Variants in CCNK observed in about 807,000 individuals in gnomAD.
The protein encoded by CCNK is cyclin K.
A neutral mutation model predicts 65.0 loss-of-function variants in CCNK; 9 were observed. The observed-to-expected ratio is 0.14, with a 90% CI of 0.08 to 0.24. The LOEUF (loss-of-function observed/expected upper bound fraction) is 0.24, where lower values mean the gene tolerates loss of function less well. Ranked by LOEUF, CCNK falls within the 10% of genes least tolerant of loss-of-function variation. The pLI, the probability that CCNK is intolerant of heterozygous loss-of-function variation, is 1.00. For missense variants in CCNK, 474 were observed against 720.0 expected, an observed-to-expected ratio of 0.66 and a Z score of 3.91; for synonymous variants, 279 against 270.8, an observed-to-expected ratio of 1.03 and a Z score of -0.30.
At chr14:99,503,968 G>C in intron 9 of CCNK, 1 of 362,554 alleles carries the variant, frequency 2.8e-6, no homozygotes, top group Non-Finnish European at 5.2e-6. Flanking sequence ...CATCACAGCA[G>C]CAGGAGTCCT....
intron 9 of CCNK, chr14:99,504,093 C>T (rs1399417817): frequency 2.6e-6 from 1 of 388,750 alleles, no homozygotes; most frequent in Admixed American, 3.2e-5. Flanking sequence ...CTCTTTGAAA[C>T]ACACTTGGGT....
intron 1 of CCNK, among the ~76,000 whole-genome samples, chr14:99,486,573 C>A (rs1052460859): frequency 6.6e-6 from 1 of 152,234 alleles, no homozygotes; most frequent in African/African-American, 2.4e-5. Context: ...TAAAGTTCTT[C>A]AAGCTTAGTA....
intron 1 of CCNK, among the ~76,000 whole-genome samples, chr14:99,486,784 A>T (rs1896495889): frequency 6.6e-6 from 1 of 152,176 alleles, no homozygotes; most frequent in African/African-American, 2.4e-5. Context: ...ATTAGGCATT[A>T]CTTGAACTGC....
chr14:99,496,459 C>A (rs551867156), intron 4 of CCNK, among the ~76,000 whole-genome samples: 1 of 152,140 alleles, frequency 6.6e-6, no homozygotes, highest in Non-Finnish European at 1.5e-5. Context: ...GCCTGTAATC[C>A]CAGCACTTTG....
rs750522567 is a variant in CCNK at position 99,493,580 on chromosome 14, G to A, written c.264G>A (p.Lys88=). The change falls in exon 3 of 11, where the codon AAG becomes AAA. Residue 88 remains lysine, a synonymous_variant. Transcript: ENST00000389879. ...FHRFYMFHSF[K]QFPRYVTGAC... is the part of the protein sequence containing the mutation. ...GCTTCTATATGTTTCATTCCTTCAA[G>A]CAATTCCCAAGATATGTAAGTGTTT... The A allele has an allele frequency of 1.2e-6, 2 of 1,604,086 alleles. No individual in the cohort carries two copies. The highest frequency in any genetic ancestry group is 1.7e-6 in the Non-Finnish European group (2 of 1,171,832).
At chr14:99,496,260 A>G (rs777481495) in intron 4 of CCNK, among the ~76,000 whole-genome samples, 6 of 152,164 alleles carry the variant, frequency 3.9e-5, no homozygotes, top group Non-Finnish European at 8.8e-5. Flanking sequence ...CCTTGTTGCA[A>G]CCTCAGTAAC....
intron 1 of CCNK, among the ~76,000 whole-genome samples, chr14:99,483,291 A>G (rs1049140753): frequency 1.3e-5 from 2 of 152,100 alleles, no homozygotes; most frequent in Non-Finnish European, 2.9e-5. Flanking sequence ...GCTCACGCTT[A>G]TAATACCAGT....
At position 99,495,597 on chromosome 14, in the gene CCNK, G is replaced by A. The variant is rs1394333927; in HGVS notation, c.379G>A (p.Val127Ile). 2 of 1,610,990 alleles carry A rather than the reference G, an allele frequency of 1.2e-6. No homozygotes were observed. Among genetic ancestry groups the A allele is most frequent in the Non-Finnish European group, 1.7e-6 (2 of 1,178,914 alleles). Residue 127 changes from valine (V) to isoleucine (I), a missense_variant, in exon 4 of 11, where the codon GTA (valine) becomes ATA (isoleucine). Around this residue, in one of 6 missense-constraint regions of CCNK, gnomAD observed 87 missense variants for 166.2 expected, o/e 0.52. Transcript: ENST00000389879. The part of the protein sequence containing the change: ...IKTARSLLND[V>I]QFGQFGDDPK... ...AACAGCTCGTAGTTTATTAAATGAT[G>A]TACAATTTGGCCAGTTTGGAGATGA...
chr14:99,510,790 C>CT lies in CCNK; in HGVS notation c.*14dup. ...GCAGCCTGGATGAGATAACGTGAGC[C>CT]TTTTTTCCCTCTTTGTTTTTTTAAC... On this transcript the variant is annotated 3_prime_UTR_variant, in exon 11 of 11. Transcript: ENST00000389879. 3 of 1,422,218 alleles carry CT rather than the reference C, an allele frequency of 2.1e-6. No homozygotes were observed. Among genetic ancestry groups the CT allele is most frequent in the East Asian group, 2.6e-5 (1 of 38,566 alleles). 88.1% of individuals were successfully genotyped at this position (1,422,218 alleles called of 1,614,324 possible). A position where few individuals can be genotyped will look rare whatever the true frequency, so the allele number is the denominator to read the frequency against.
At chr14:99,482,331 C>T (rs1896361392) in intron 1 of CCNK, among the ~76,000 whole-genome samples, 3 of 152,132 alleles carry the variant, frequency 2.0e-5, no homozygotes, top group South Asian at 4.1e-4. Context: ...TTGTAGGTGC[C>T]CGCTAAAGGT....
intron 1 of CCNK, among the ~76,000 whole-genome samples, chr14:99,481,810 A>G (rs1896335822): frequency 6.6e-6 from 1 of 152,202 alleles, no homozygotes; most frequent in African/African-American, 2.4e-5. Flanking sequence ...GCACAGTCTC[A>G]CAGCCACAGA....
chr14:99,493,629 A>G (rs780885050), intron 3 of CCNK, 34 bp downstream of exon 3: 1 of 1,361,612 alleles, frequency 7.3e-7, no homozygotes, highest in African/African-American at 1.4e-5. Context: ...ATTCTCTGTC[A>G]TATGTTATTA....
In CCNK at chr14:99,510,485, G is replaced by A. The variant is rs746815273; in HGVS notation, c.1446G>A (p.Pro482=). The change falls in exon 11 of 11, where the codon CCG becomes CCA. Residue 482 remains proline, a synonymous_variant. Coordinates refer to ENST00000389879, the MANE Select transcript of CCNK (RefSeq NM_001099402.2). Reference sequence around the variant, plus strand: ...ACCCCCATGTCTACCCGCCCAACCCGCCCCCGCCACCTGTGCCTCCTCCCC... The same window carrying A: ...ACCCCCATGTCTACCCGCCCAACCCACCCCCGCCACCTGTGCCTCCTCCCC... ...PYHPHVYPPN[P]PPPPVPPPPA... The A allele has an allele frequency of 8.1e-5, 51 of 627,032 alleles. No individual in the cohort carries two copies. In the Admixed American group the frequency reaches 1.8e-3, roughly 22 times the overall value. 38.8% of individuals were successfully genotyped at this position (627,032 alleles called of 1,614,324 possible). A position where few individuals can be genotyped will look rare whatever the true frequency, so the allele number is the denominator to read the frequency against.
At chr14:99,502,123 GGTTA>G (rs1896845796) in intron 6 of CCNK, 80 bp from the exon 7 acceptor site, 10 of 1,369,858 alleles carry the variant, frequency 7.3e-6, no homozygotes, top group South Asian at 3.3e-5. Flanking sequence ...GCAAATTAAT[GGTTA>G]GTTATGGCAT....
rs371006433 is a variant in CCNK at position 99,497,548 on chromosome 14, T to C, written c.411+1919T>C. Among the ~76,000 whole-genome samples the C allele has an allele frequency of 2.4e-3, 365 of 152,352 alleles. 1 individual carries two copies. Among genetic ancestry groups the C allele is most frequent in the African/African-American group, 8.2e-3 (339 of 41,586 alleles). ...AGGCATTCAGCAAGTACTCGTGGAATAAATGTCAAACTAATGGTCTGAGGA... is the reference window on the plus strand; with the variant it reads ...AGGCATTCAGCAAGTACTCGTGGAACAAATGTCAAACTAATGGTCTGAGGA... On this transcript the variant is annotated intron_variant, in intron 4 of 10. Coordinates refer to ENST00000389879, the MANE Select transcript of CCNK (RefSeq NM_001099402.2).
rs1897119008 is a variant in CCNK, at chr14:99,511,040, T to A, written c.*258T>A. The A allele has an allele frequency of 1.5e-5, 5 of 330,308 alleles. No homozygotes were observed. 20.5% of individuals were successfully genotyped at this position (330,308 alleles called of 1,614,324 possible). ...TGGTTCAGCTAATGTCTGAGAGTCC[T>A]GCACTGGGTTACTTTATACTAGTGA... On this transcript the variant is annotated 3_prime_UTR_variant, in exon 11 of 11. Coordinates refer to ENST00000389879, the MANE Select transcript of CCNK (RefSeq NM_001099402.2).
intron 1 of CCNK, among the ~76,000 whole-genome samples, chr14:99,486,409 C>G (rs1437029041): frequency 6.6e-6 from 1 of 152,136 alleles, no homozygotes; most frequent in African/African-American, 2.4e-5. Context: ...AGTTCTGTAC[C>G]CAGACCCCTT....
chr14:99,482,128 G>A (rs766095829), intron 1 of CCNK, among the ~76,000 whole-genome samples: 1 of 152,246 alleles, frequency 6.6e-6, no homozygotes, highest in Admixed American at 6.5e-5. Context: ...GTCTGCCCAA[G>A]ATAGGCTCGG....
At chr14:99,494,439 T>G (rs1235979885) in intron 3 of CCNK, 1 of 152,204 alleles carries the variant, frequency 6.6e-6, no homozygotes, top group Non-Finnish European at 1.5e-5. Flanking sequence ...AACATTAAAG[T>G]CATTGTGTTG....
Sources: allele counts gnomAD v4.1 joint callset (sites outside exome capture counted in the v4.1 genomes callset), GRCh38; gene constraint gnomAD v4.1.1; regional missense constraint gnomAD v4.1.1; transcripts MANE v1.5; gene names NCBI Gene and HGNC (gene_info 2026-07-23, HGNC 2026-07-21).